The following C14orf180 variants were observed in gnomAD, a reference collection of about 807,000 sequenced individuals.
C14orf180 encodes nutritionally-regulated adipose and cardiac enriched protein homolog.
In C14orf180, 13 loss-of-function variants were observed where a neutral mutation model predicts 13.9. That is an observed-to-expected ratio of 0.94 (90% CI 0.61 to 1.49). The LOEUF (loss-of-function observed/expected upper bound fraction) is 1.49, where lower values mean the gene tolerates loss of function less well. Ranked by LOEUF, C14orf180 falls within the 40% of genes most tolerant of loss-of-function variation. The pLI is 0.00. For synonymous variants in C14orf180, 113 were observed against 106.3 expected (o/e 1.06, Z -0.39); for missense variants, 238 against 232.0 (o/e 1.03, Z -0.17).
chr14:104,587,364 G>T (rs147917453), intron 2 of C14orf180, among the ~76,000 whole-genome samples: 155 of 152,296 alleles, frequency 1.0e-3, no homozygotes, highest in Non-Finnish European at 1.7e-3. Context: ...GCCCCATAGA[G>T]CTTGCAAACT....
chr14:104,588,236 G>GCAGGT, intron 3 of C14orf180, 38 bp from the exon 4 acceptor site: 1 of 1,613,318 alleles, frequency 6.2e-7, no homozygotes, highest in Middle Eastern at 1.6e-4. Context: ...ATGGACTGAG[G>GCAGGT]CAGGTGCCCC....
At chr14:104,588,361 C>G in intron 4 of C14orf180, 52 bp downstream of exon 4, 1 of 1,605,550 alleles carries the variant, frequency 6.2e-7, no homozygotes, top group Non-Finnish European at 8.5e-7. Flanking sequence ...CGTGGGTGCA[C>G]CCACCCTCAC....
In C14orf180 at chr14:104,587,861, C is replaced by A. The variant is rs1373862748; in HGVS notation, c.224C>A (p.Pro75Gln). 1 of 1,608,520 alleles carries A rather than the reference C, an allele frequency of 6.2e-7. No individual in the cohort carries two copies. Among genetic ancestry groups the A allele is most frequent in the Non-Finnish European group, 8.5e-7 (1 of 1,177,808 alleles). Residue 75 changes from proline (P) to glutamine (Q), a missense_variant, in exon 3 of 5, where the codon CCA becomes CAA. By Grantham distance (76) the Pro-to-Gln change is moderately conservative. Coordinates refer to ENST00000557649, the MANE Select transcript of C14orf180 (RefSeq NM_001008404.3). ...TSRRVWFREP[P>Q]AVTVHYIADK... Reference sequence around the variant, plus strand: ...AGGCGCGTGTGGTTCCGAGAACCCCCAGCGGTGACCGTCCACTGTAAGAGG... The same window carrying A: ...AGGCGCGTGTGGTTCCGAGAACCCCAAGCGGTGACCGTCCACTGTAAGAGG...
chr14:104,579,887 C>T lies in C14orf180; in HGVS notation c.-133C>T, dbSNP rs1439502357. 6.6e-6 allele frequency: 1 copy of T among 152,190 alleles called. No homozygotes were observed. The highest frequency in any genetic ancestry group is 1.5e-5 in the Non-Finnish European group (1 of 68,196). 9.4% of individuals were successfully genotyped at this position (152,190 alleles called of 1,614,324 possible). ...GCAGTTCTGCCCGAGGCTCAACTCTCAAGGGCCTGGGAGGGGTGCTGCCGG... is the reference window on the plus strand; with the variant it reads ...GCAGTTCTGCCCGAGGCTCAACTCTTAAGGGCCTGGGAGGGGTGCTGCCGG... On this transcript the variant is annotated 5_prime_UTR_variant, in exon 1 of 5. Transcript: ENST00000557649.
intron 1 of C14orf180, among the ~76,000 whole-genome samples, chr14:104,582,608 G>A (rs1311629972): frequency 6.6e-6 from 1 of 152,138 alleles, no homozygotes; most frequent in African/African-American, 2.4e-5. Context: ...AACCTGGCAG[G>A]CTGTTCTCCC....
At chr14:104,587,621 G>C (rs972627410) in intron 2 of C14orf180, 128 bp from the exon 3 acceptor site, 10 of 962,180 alleles carry the variant, frequency 1.0e-5, no homozygotes, top group Non-Finnish European at 1.2e-5. Context: ...GACAGGCCCA[G>C]CATAGCGCAC....
chr14:104,588,969 G>A lies in C14orf180; in HGVS notation c.*186G>A, dbSNP rs979410264. The A allele has an allele frequency of 2.1e-5, 27 of 1,289,098 alleles. No homozygotes were observed. The highest frequency in any genetic ancestry group is 2.6e-5 in the Non-Finnish European group (25 of 968,764). The allele number at this position is 1,289,098 out of a possible 1,614,324, so 79.9% of individuals were successfully genotyped here. ...AGATCGGACATGGGGGGCACAGCAG[G>A]CGGCCCCGCCACACTAGTCAGCACA... On this transcript the variant is annotated 3_prime_UTR_variant, in exon 5 of 5. Transcript: ENST00000557649.
In C14orf180 at chr14:104,588,768, C is replaced by T. The variant is rs757022012; in HGVS notation, c.468C>T (p.Gly156=). The change falls in exon 5 of 5, where the codon GGC becomes GGT. Residue 156 remains glycine (G), a synonymous_variant. Transcript: ENST00000557649. ...ACGTGGCCCTCACCTGCTGGCGCGG[C>T]CTCCTGCGGCTCTGACGGGCAGGAC... ...LRHVALTCWR[G]LLRL 1.3e-6 allele frequency: 2 copies of T among 1,525,270 alleles called. No homozygotes were observed. Among genetic ancestry groups the T allele is most frequent in the Middle Eastern group, 1.7e-4 (1 of 5,874 alleles). 94.5% of individuals were successfully genotyped at this position (1,525,270 alleles called of 1,614,324 possible).
chr14:104,583,214 G>C (rs1023704263), intron 1 of C14orf180, among the ~76,000 whole-genome samples: 2 of 152,202 alleles, frequency 1.3e-5, no homozygotes, highest in African/African-American at 4.8e-5. Context: ...CTCTGGAGAG[G>C]GGACCTCAGG....
chr14:104,588,954 T>TGGGGGCACAGC lies in C14orf180; in HGVS notation c.*176_*177insCACAGCGGGGG, dbSNP rs1886748692. 7.3e-7 allele frequency: 1 copy of TGGGGGCACAGC among 1,362,120 alleles called. No individual in the cohort carries two copies. Among genetic ancestry groups the TGGGGGCACAGC allele is most frequent in the Non-Finnish European group, 9.7e-7 (1 of 1,034,004 alleles). The allele number at this position is 1,362,120 out of a possible 1,614,324, so 84.4% of individuals were successfully genotyped here. Reference sequence around the variant, plus strand: ...GGACCCCGTGGCGTGAGATCGGACATGGGGGGCACAGCAGGCGGCCCCGCC... The same window carrying TGGGGGCACAGC: ...GGACCCCGTGGCGTGAGATCGGACATGGGGGCACAGCGGGGGGCACAGCAGGCGGCCCCGCC... On this transcript the variant is annotated 3_prime_UTR_variant, in exon 5 of 5. Transcript: ENST00000557649.
intron 1 of C14orf180, among the ~76,000 whole-genome samples, chr14:104,583,482 G>C (rs892277061): frequency 1.3e-5 from 2 of 152,224 alleles, no homozygotes; most frequent in Admixed American, 1.3e-4. Context: ...GCCCGCAGAG[G>C]CTGCTGCTCT....
chr14:104,583,621 G>A (rs1886513818), intron 1 of C14orf180, among the ~76,000 whole-genome samples: 1 of 152,184 alleles, frequency 6.6e-6, no homozygotes. Flanking sequence ...TGTCCCGTAG[G>A]AAGTCCTGAC....
intron 3 of C14orf180, 83 bp downstream of exon 3, chr14:104,587,961 C>T (rs1886692049): frequency 2.0e-6 from 3 of 1,478,794 alleles, no homozygotes; most frequent in East Asian, 2.4e-5. Flanking sequence ...ACCCACACAG[C>T]TCTGGCAGGG....
chr14:104,582,507 C>T (rs1329620301), intron 1 of C14orf180, among the ~76,000 whole-genome samples: 1 of 152,184 alleles, frequency 6.6e-6, no homozygotes, highest in Non-Finnish European at 1.5e-5. Flanking sequence ...GCCCTCATGG[C>T]CCCACCTCCC....
intron 1 of C14orf180, among the ~76,000 whole-genome samples, chr14:104,580,606 G>A (rs1390698603): frequency 3.3e-5 from 5 of 152,220 alleles, no homozygotes; most frequent in East Asian, 1.9e-4. Flanking sequence ...GAATGGATTC[G>A]TTACTCCAGT....
intron 1 of C14orf180, among the ~76,000 whole-genome samples, chr14:104,580,550 G>A (rs758726052): frequency 6.6e-6 from 1 of 152,276 alleles, no homozygotes; most frequent in East Asian, 1.9e-4. Context: ...GGGCCTTGGT[G>A]GGGGGCATCC....
chr14:104,588,939 G>A lies in C14orf180; in HGVS notation c.*156G>A, dbSNP rs1460475107. On this transcript the variant is annotated 3_prime_UTR_variant, in exon 5 of 5. Coordinates refer to ENST00000557649, the MANE Select transcript of C14orf180 (RefSeq NM_001008404.3). ...TAACTAGGAAAAGGGGGACCCCGTGGCGTGAGATCGGACATGGGGGGCACA... is the reference window on the plus strand; with the variant it reads ...TAACTAGGAAAAGGGGGACCCCGTGACGTGAGATCGGACATGGGGGGCACA... 4 of 1,415,734 alleles carry A rather than the reference G, an allele frequency of 2.8e-6. No individual in the cohort carries two copies. Among genetic ancestry groups the A allele is most frequent in the African/African-American group, 1.6e-5 (1 of 62,672 alleles). 87.7% of individuals were successfully genotyped at this position (1,415,734 alleles called of 1,614,324 possible).
Position 104,589,776 on chromosome 14 carries a change from C to T in C14orf180, c.*993C>T, listed in dbSNP as rs1175589846. On this transcript the variant is annotated 3_prime_UTR_variant, in exon 5 of 5. Coordinates refer to ENST00000557649, the MANE Select transcript of C14orf180 (RefSeq NM_001008404.3). This position sits in a 1 kb window ranked among gnomAD's most constrained non-coding sequence, Gnocchi z 4.9. ...GGGTGGGCACGGCCGACCATCCACCCGGTGGTTCCTGTTTGTCCCACCACT... is the reference window on the plus strand; with the variant it reads ...GGGTGGGCACGGCCGACCATCCACCTGGTGGTTCCTGTTTGTCCCACCACT... 1 of 152,250 alleles carries T rather than the reference C, an allele frequency of 6.6e-6. No individual in the cohort carries two copies. Among genetic ancestry groups the T allele is most frequent in the Non-Finnish European group, 1.5e-5 (1 of 68,044 alleles). 9.4% of individuals were successfully genotyped at this position (152,250 alleles called of 1,614,324 possible). A position where few individuals can be genotyped will look rare whatever the true frequency, so the allele number is the denominator to read the frequency against.
At chr14:104,587,728 T>C in intron 2 of C14orf180, 21 bp from the exon 3 acceptor site, 1 of 1,610,560 alleles carries the variant, frequency 6.2e-7, no homozygotes. Flanking sequence ...CTCACCAGTC[T>C]GCTTCCCGCC....
Sources: gnomAD v4.1 joint callset for allele counts (sites outside exome capture counted in the v4.1 genomes callset) on GRCh38, gnomAD v4.1.1 for gene constraint, Gnocchi (gnomAD v3.1) non-coding constraint, MANE v1.5 for transcripts, NCBI Gene and HGNC (gene_info 2026-07-23, HGNC 2026-07-21) for gene names.